The following TANC2 variants were observed in gnomAD, a reference collection of about 807,000 sequenced individuals.
TANC2 encodes tetratricopeptide repeat, ankyrin repeat and coiled-coil containing 2.
Under a neutral mutation model 210.5 loss-of-function variants are expected in TANC2, and 26 were observed. The ratio of observed to expected loss-of-function variants is 0.12; its 90% confidence interval spans 0.09 to 0.17. The LOEUF is 0.17. Ranked by LOEUF, TANC2 falls within the 10% of genes least tolerant of loss-of-function variation. TANC2 has a pLI of 1.00. For synonymous variants in TANC2, 931 were observed against 967.1 expected, an observed-to-expected ratio of 0.96 and a Z score of 0.69; for missense variants, 2,129 against 2,608.9, an observed-to-expected ratio of 0.82 and a Z score of 4.01.
intron 7 of TANC2, among the ~76,000 whole-genome samples, chr17:63,233,148 C>T (rs1168358532): frequency 6.6e-6 from 1 of 152,248 alleles, no homozygotes; most frequent in African/African-American, 2.4e-5. Context: ...GTGATGGCTG[C>T]TGCCCCTCTT....
chr17:63,300,515 G>A (rs2044677987), intron 9 of TANC2, among the ~76,000 whole-genome samples: 1 of 152,024 alleles, frequency 6.6e-6, no homozygotes, highest in Non-Finnish European at 1.5e-5. Flanking sequence ...ATATTCCTAG[G>A]TATTTTATTC....
intron 4 of TANC2, among the ~76,000 whole-genome samples, chr17:63,104,597 T>C (rs34986994): frequency 1.3e-5 from 2 of 152,302 alleles, no homozygotes; most frequent in Non-Finnish European, 2.9e-5. Context: ...TGTGATATTG[T>C]TTATATAGCA....
At chr17:63,386,615 A>G (rs2047787030) in intron 15 of TANC2, among the ~76,000 whole-genome samples, 1 of 152,206 alleles carries the variant, frequency 6.6e-6, no homozygotes, top group African/African-American at 2.4e-5. Context: ...AATGTTTAAT[A>G]AAGTAAATTT....
intron 9 of TANC2, among the ~76,000 whole-genome samples, chr17:63,296,215 C>G (rs138558942): frequency 1.3e-5 from 2 of 152,146 alleles, no homozygotes; most frequent in Admixed American, 1.3e-4. Flanking sequence ...GGAATCTAAT[C>G]AAAACTTAAA....
intron 2 of TANC2, among the ~76,000 whole-genome samples, chr17:63,015,992 G>C (rs2034091575): frequency 6.6e-6 from 1 of 152,064 alleles, no homozygotes; most frequent in South Asian, 2.1e-4. Context: ...GGGGTGGGGA[G>C]ATACTGGCAA....
At chr17:63,039,025 G>A (rs537595977) in intron 2 of TANC2, among the ~76,000 whole-genome samples, 1 of 152,044 alleles carries the variant, frequency 6.6e-6, no homozygotes, top group Non-Finnish European at 1.5e-5. Flanking sequence ...GATTCACTTT[G>A]CCTTTTATCA....
At chr17:63,123,422 G>C (rs2038564626) in intron 4 of TANC2, among the ~76,000 whole-genome samples, 1 of 151,840 alleles carries the variant, frequency 6.6e-6, no homozygotes, top group African/African-American at 2.4e-5. Flanking sequence ...AGCCAGATGT[G>C]ATGGCTGGCG....
rs1386731530 is a variant in TANC2 at position 63,419,971 on chromosome 17, G to A, written c.4269-28G>A. On this transcript the variant is annotated intron_variant, in intron 27 of 27. Transcript: ENST00000689528. ...TTTCTCTGGATTCAGAATAACTCCA[G>A]TTCCTGTGTTCACATTTTGTCAAGC... The A allele has an allele frequency of 1.7e-5, 25 of 1,511,566 alleles. No homozygotes were observed. In the South Asian group the frequency reaches 3.0e-4, roughly 18 times the overall value. The allele number at this position is 1,511,566 out of a possible 1,614,324, so 93.6% of individuals were successfully genotyped here.
Position 63,424,218 on chromosome 17 carries a change from C to G in TANC2, c.*2263C>G, listed in dbSNP as rs1318670587. 7 of 152,342 alleles carry G rather than the reference C, an allele frequency of 4.6e-5. No individual in the cohort carries two copies. In the East Asian group the frequency reaches 1.2e-3, roughly 25 times the overall value. The allele number at this position is 152,342 out of a possible 1,614,324, so 9.4% of individuals were successfully genotyped here. ...ATATGCCGCTGATGCCGCTTCTCCC[C>G]AGGGTCTCTCAGTTTTCCAGGACAA... On this transcript the variant is annotated 3_prime_UTR_variant, in exon 28 of 28. Transcript: ENST00000689528.
At chr17:63,181,853 G>A (rs574026664) in intron 5 of TANC2, among the ~76,000 whole-genome samples, 1 of 152,258 alleles carries the variant, frequency 6.6e-6, no homozygotes, top group South Asian at 2.1e-4. Context: ...TACAGAAAAT[G>A]AAGCATCACT....
chr17:63,267,761 C>T (rs748348148), exon 9 of TANC2: 1 of 1,612,548 alleles, frequency 6.2e-7, no homozygotes, highest in Non-Finnish European at 8.5e-7. Context: ...CCAGCTCTGC[C>T]CACTTGGAAG....
chr17:63,085,614 C>T (rs763379873), intron 3 of TANC2, among the ~76,000 whole-genome samples: 1 of 152,070 alleles, frequency 6.6e-6, no homozygotes, highest in African/African-American at 2.4e-5. Flanking sequence ...TAATTCCTCC[C>T]TGGCATCCCT....
At chr17:63,315,609 T>C (rs2146597152) in intron 10 of TANC2, among the ~76,000 whole-genome samples, 1 of 152,362 alleles carries the variant, frequency 6.6e-6, no homozygotes, top group South Asian at 2.1e-4. Flanking sequence ...ACTATTGCTT[T>C]GTTAGTCCAA....
intron 7 of TANC2, among the ~76,000 whole-genome samples, chr17:63,234,666 A>G (rs2042572821): frequency 6.6e-6 from 1 of 151,960 alleles, no homozygotes; most frequent in African/African-American, 2.4e-5. Context: ...ATATGAAAAA[A>G]CCCTTAAAAT....
chr17:63,383,100 A>G (rs890637348), intron 15 of TANC2, among the ~76,000 whole-genome samples: 12 of 152,196 alleles, frequency 7.9e-5, no homozygotes, highest in Non-Finnish European at 1.2e-4. Context: ...AGTTGAACAG[A>G]AAGTACAGAG....
At chr17:62,976,318 G>C (rs147342001) in intron 1 of TANC2, among the ~76,000 whole-genome samples, 1 of 152,100 alleles carries the variant, frequency 6.6e-6, no homozygotes, top group Non-Finnish European at 1.5e-5. Flanking sequence ...CTTTTTTTGT[G>C]AATAATAACT....
At chr17:63,238,550 G>A (rs1043137437) in intron 8 of TANC2, among the ~76,000 whole-genome samples, 10 of 152,140 alleles carry the variant, frequency 6.6e-5, no homozygotes, top group Middle Eastern at 3.4e-3. Context: ...TCCTCATCCC[G>A]TGAGTTTCAG....
intron 5 of TANC2, among the ~76,000 whole-genome samples, chr17:63,156,883 G>A (rs910451671): frequency 2.6e-5 from 4 of 152,064 alleles, no homozygotes; most frequent in South Asian, 2.1e-4. Context: ...TAGAGACAGG[G>A]TCTCACAATT....
At chr17:63,405,026 AT>A in intron 19 of TANC2, 95 bp from the exon 20 acceptor site, 1 of 1,320,192 alleles carries the variant, frequency 7.6e-7, no homozygotes, top group Non-Finnish European at 9.9e-7. Context: ...TAAAGTAGCA[AT>A]TACATTAATG....
Sources: allele counts gnomAD v4.1 joint callset (sites outside exome capture counted in the v4.1 genomes callset), GRCh38; gene constraint gnomAD v4.1.1; transcripts MANE v1.5; gene names NCBI Gene and HGNC (gene_info 2026-07-23, HGNC 2026-07-21).